FCHSD2: variants seen among roughly 807,000 people sequenced by gnomAD.
The protein encoded by FCHSD2 is FCH and double SH3 domains 2, also known as F-BAR and double SH3 domains protein 2.
Under a neutral mutation model 108.1 loss-of-function variants are expected in FCHSD2, and 38 were observed. The ratio of observed to expected loss-of-function variants is 0.35; its 90% confidence interval spans 0.27 to 0.46. The LOEUF is 0.46. Ranked by LOEUF, FCHSD2 falls within the 20% of genes least tolerant of loss-of-function variation. The pLI is 1.00. For synonymous variants in FCHSD2, 279 were observed against 314.7 expected (o/e 0.89, Z 1.20); for missense variants, 751 against 897.8 (o/e 0.84, Z 2.09).
chr11:73,112,177 G>C (rs1860501169), intron 2 of FCHSD2, among the ~76,000 whole-genome samples: 2 of 152,126 alleles, frequency 1.3e-5, no homozygotes, highest in Admixed American at 1.3e-4. Flanking sequence ...GGACAGGTCT[G>C]GTGTTGATGA....
intron 6 of FCHSD2, among the ~76,000 whole-genome samples, chr11:72,987,600 A>T (rs1857334415): frequency 6.6e-6 from 1 of 152,198 alleles, no homozygotes. Context: ...AGCTTGCTGT[A>T]TCCCCTCTGA....
At chr11:72,849,954 AAC>A (rs1861238400) in intron 13 of FCHSD2, 65 bp from the exon 14 acceptor site, 1 of 1,291,552 alleles carries the variant, frequency 7.7e-7, no homozygotes, top group East Asian at 2.3e-5. Context: ...AAGCCGGAAA[AAC>A]ACTTAAAACC....
chr11:72,968,126 C>T (rs1056030438), intron 8 of FCHSD2, among the ~76,000 whole-genome samples: 2 of 151,512 alleles, frequency 1.3e-5, no homozygotes, highest in Non-Finnish European at 2.9e-5. Context: ...GAGAACAGAG[C>T]ATATAAGGCC....
intron 10 of FCHSD2, among the ~76,000 whole-genome samples, chr11:72,901,718 T>C (rs1855529679): frequency 6.6e-6 from 1 of 152,122 alleles, no homozygotes; most frequent in African/African-American, 2.4e-5. Context: ...GTAGAGGCAT[T>C]AAAAAAATTG....
intron 3 of FCHSD2, among the ~76,000 whole-genome samples, chr11:73,062,409 C>T (rs1009969218): frequency 6.6e-6 from 1 of 152,108 alleles, no homozygotes; most frequent in South Asian, 2.1e-4. Context: ...TCCTCACCAG[C>T]AAGGGAACAA....
intron 3 of FCHSD2, among the ~76,000 whole-genome samples, chr11:73,020,084 A>G (rs1171452794): frequency 6.6e-6 from 1 of 152,202 alleles, no homozygotes; most frequent in East Asian, 1.9e-4. Context: ...ATAAAGATGT[A>G]CTATCAATAT....
At chr11:72,868,058 G>C in intron 12 of FCHSD2, 32 bp from the exon 13 acceptor site, 2 of 1,541,612 alleles carry the variant, frequency 1.3e-6, no homozygotes, top group East Asian at 2.4e-5. Flanking sequence ...CGGAAATCAA[G>C]GCTTTTATTA....
At chr11:72,844,368 G>T (rs1861060637) in intron 14 of FCHSD2, among the ~76,000 whole-genome samples, 1 of 152,190 alleles carries the variant, frequency 6.6e-6, no homozygotes, top group Non-Finnish European at 1.5e-5. Flanking sequence ...TGTAGGAAAG[G>T]AAATGATTGA....
chr11:72,888,680 A>G (rs1195103729), intron 11 of FCHSD2, among the ~76,000 whole-genome samples: 1 of 150,846 alleles, frequency 6.6e-6, no homozygotes, highest in Non-Finnish European at 1.5e-5. Flanking sequence ...GTTCAGAGGC[A>G]TGATCTTACC....
chr11:72,866,364 G>T (rs1854725070), intron 13 of FCHSD2, among the ~76,000 whole-genome samples: 1 of 152,088 alleles, frequency 6.6e-6, no homozygotes, highest in Non-Finnish European at 1.5e-5. Context: ...CTGCCTCCCG[G>T]GTTCAAGCGA....
intron 12 of FCHSD2, among the ~76,000 whole-genome samples, chr11:72,876,028 A>G (rs536004401): frequency 6.6e-6 from 1 of 152,300 alleles, no homozygotes; most frequent in Admixed American, 6.5e-5. Context: ...AGCAAAAGAA[A>G]TGACTAGTTG....
intron 10 of FCHSD2, among the ~76,000 whole-genome samples, chr11:72,893,294 C>T (rs1301677495): frequency 6.6e-6 from 1 of 151,388 alleles, no homozygotes; most frequent in African/African-American, 2.4e-5. Context: ...TGAGCCTCCA[C>T]GCCTGGCCTA....
chr11:72,855,759 G>T (rs1861412899), intron 13 of FCHSD2, among the ~76,000 whole-genome samples: 1 of 152,140 alleles, frequency 6.6e-6, no homozygotes, highest in Non-Finnish European at 1.5e-5. Context: ...CTTACCTAGA[G>T]CACTGTCCGT....
In FCHSD2 at chr11:73,090,371, G is replaced by A. The variant is rs918405508; in HGVS notation, c.120-6631C>T. Among the ~76,000 whole-genome samples, 16 of 150,978 alleles carry A rather than the reference G, an allele frequency of 1.1e-4. No individual in the cohort carries two copies. The East Asian group carries it at 1.4e-3, about 13-fold the overall frequency. On this transcript the variant is annotated intron_variant, in intron 2 of 19. Transcript: ENST00000409418. ...CTCCCAAGTAGCTGGGACTACAGACGCCCGCCACTACGCCCAGCTAATTTT... is the reference window on the plus strand; with the variant it reads ...CTCCCAAGTAGCTGGGACTACAGACACCCGCCACTACGCCCAGCTAATTTT...
At chr11:73,064,328 A>G (rs1200220382) in intron 3 of FCHSD2, among the ~76,000 whole-genome samples, 1 of 152,244 alleles carries the variant, frequency 6.6e-6, no homozygotes, top group African/African-American at 2.4e-5. Context: ...CCCACAAAAG[A>G]AAGCAGGAAA....
intron 3 of FCHSD2, among the ~76,000 whole-genome samples, chr11:73,052,207 C>T (rs952877206): frequency 6.6e-6 from 1 of 152,058 alleles, no homozygotes; most frequent in Non-Finnish European, 1.5e-5. Flanking sequence ...CCAAACATAA[C>T]GATTTCTAAA....
rs542123212 is a variant in FCHSD2, at chr11:73,032,215, C to A, written c.166-16330G>T. Among the ~76,000 whole-genome samples, 21 of 152,102 alleles carry A rather than the reference C, an allele frequency of 1.4e-4. No homozygotes were observed. In the South Asian group the frequency reaches 4.4e-3, roughly 32 times the overall value. ...GAGCTTTTAGTTTTTATTCTTTATA[C>A]CACTGGATTGTTCAATGTTTTTTTA... On this transcript the variant is annotated intron_variant, in intron 3 of 19. Transcript: ENST00000409418.
At chr11:73,125,634 G>T (rs1860836909) in intron 2 of FCHSD2, among the ~76,000 whole-genome samples, 1 of 151,974 alleles carries the variant, frequency 6.6e-6, no homozygotes, top group Non-Finnish European at 1.5e-5. Flanking sequence ...GAGCTCAAGG[G>T]GTTAAGGCTG....
At chr11:72,944,936 G>A (rs950789514) in intron 8 of FCHSD2, among the ~76,000 whole-genome samples, 4 of 152,092 alleles carry the variant, frequency 2.6e-5, no homozygotes, top group African/African-American at 9.7e-5. Flanking sequence ...CCATGCTCAC[G>A]GGTAGGAAGA....
Sources: gnomAD v4.1 joint callset for allele counts (sites outside exome capture counted in the v4.1 genomes callset) on GRCh38, gnomAD v4.1.1 for gene constraint, MANE v1.5 for transcripts, NCBI Gene and HGNC (gene_info 2026-07-23, HGNC 2026-07-21) for gene names.